Variants in LRRC8C observed in about 807,000 individuals in gnomAD.
The protein encoded by LRRC8C is leucine rich repeat containing 8 VRAC subunit C.
In LRRC8C, 20 loss-of-function variants were observed where a neutral mutation model predicts 55.3. That is an observed-to-expected ratio of 0.36 (90% CI 0.25 to 0.53). The LOEUF is 0.53. Among genes scored for constraint, LRRC8C ranks in the 20% least tolerant of loss-of-function variants. The pLI is 0.92. For missense variants in LRRC8C, 659 were observed against 951.4 expected, an observed-to-expected ratio of 0.69 and a Z score of 4.04; for synonymous variants, 376 against 360.7, an observed-to-expected ratio of 1.04 and a Z score of -0.48.
intron 1 of LRRC8C, among the ~76,000 whole-genome samples, chr1:89,683,892 CATATT>C (rs1220896038): frequency 6.6e-6 from 1 of 152,062 alleles, no homozygotes; most frequent in Non-Finnish European, 1.5e-5. Context: ...GGCAAAACAA[CATATT>C]ATATCATAAT....
intron 1 of LRRC8C, among the ~76,000 whole-genome samples, chr1:89,664,695 T>C (rs1209809962): frequency 6.6e-6 from 1 of 152,214 alleles, no homozygotes; most frequent in Non-Finnish European, 1.5e-5. Flanking sequence ...AATGGTAGCT[T>C]GACAGTGATA....
rs1009578859 is a variant in LRRC8C at position 89,674,212 on chromosome 1, C to T, written c.-4-12258C>T. On this transcript the variant is annotated intron_variant, in intron 1 of 2. Transcript: ENST00000370454. ...TTTTAATTAAATGATTCATATTTTC[C>T]GAGAATATTTTTCGTATAGATGTTC... Among the ~76,000 whole-genome samples the T allele has an allele frequency of 4.0e-5, 6 of 151,892 alleles. No homozygotes were observed. In the South Asian group the frequency reaches 8.4e-4, roughly 21 times the overall value.
intron 1 of LRRC8C, among the ~76,000 whole-genome samples, chr1:89,677,956 A>T (rs1306434693): frequency 6.6e-6 from 1 of 152,236 alleles, no homozygotes; most frequent in Non-Finnish European, 1.5e-5. Context: ...TTTCACTGCC[A>T]AAAGAAAAGC....
chr1:89,697,110 G>A (rs1658193945), intron 2 of LRRC8C, among the ~76,000 whole-genome samples: 1 of 152,146 alleles, frequency 6.6e-6, no homozygotes, highest in South Asian at 2.1e-4. Flanking sequence ...AACAAATTAT[G>A]GATATTATCT....
At chr1:89,619,948 G>T in the LRRC8C span, among the ~76,000 whole-genome samples, 1 of 152,184 alleles carries the variant, frequency 6.6e-6, no homozygotes, top group Middle Eastern at 3.2e-3. Flanking sequence ...GGTATGGAAG[G>T]TAAGAGTGAT....
At chr1:89,705,821 G>A (rs892480230) in intron 2 of LRRC8C, among the ~76,000 whole-genome samples, 1 of 151,710 alleles carries the variant, frequency 6.6e-6, no homozygotes, top group African/African-American at 2.4e-5. Context: ...ACAGATTTAT[G>A]GTAGCAAAAA....
intron 1 of LRRC8C, among the ~76,000 whole-genome samples, chr1:89,679,736 C>T (rs552526230): frequency 6.6e-6 from 1 of 152,290 alleles, no homozygotes; most frequent in East Asian, 1.9e-4. Flanking sequence ...AGGCTACCTA[C>T]CATCATTTGA....
At chr1:89,639,969 A>C (rs949214789) in intron 1 of LRRC8C, among the ~76,000 whole-genome samples, 1 of 152,256 alleles carries the variant, frequency 6.6e-6, no homozygotes, top group South Asian at 2.1e-4. Flanking sequence ...AGGAGTAAGC[A>C]TATAAAACAT....
chr1:89,713,339 A>T lies in LRRC8C; in HGVS notation c.769A>T (p.Ile257Phe). The change falls in exon 3 of 3, where the codon ATT (isoleucine) becomes TTT (phenylalanine). Residue 257 changes from isoleucine to phenylalanine, a missense_variant. Physicochemically the swap from Ile to Phe is conservative, Grantham distance 21. Around this residue, in one of 5 missense-constraint regions of LRRC8C, gnomAD observed 200 missense variants for 360.5 expected, o/e 0.55. Coordinates refer to ENST00000370454, the MANE Select transcript of LRRC8C (RefSeq NM_032270.5). This position sits in a 1 kb window ranked among gnomAD's most constrained non-coding sequence, Gnocchi z 5.2. ...CAGGCTGCATGTGGAAGAAGGTGAT[A>T]TTCTATATGCCATGTATGTTCGCCA... ...KFRLHVEEGD[I>F]LYAMYVRQTV... The T allele has an allele frequency of 6.2e-7, 1 of 1,614,236 alleles. No homozygotes were observed. The highest frequency in any genetic ancestry group is 8.5e-7 in the Non-Finnish European group (1 of 1,180,052).
intron 2 of LRRC8C, among the ~76,000 whole-genome samples, chr1:89,704,242 T>A (rs936880155): frequency 2.6e-5 from 4 of 152,184 alleles, no homozygotes; most frequent in Admixed American, 1.3e-4. Context: ...CTGTTCTATG[T>A]CCTCATCTCT....
intron 1 of LRRC8C, among the ~76,000 whole-genome samples, chr1:89,669,137 G>A (rs1436370623): frequency 1.3e-5 from 2 of 152,156 alleles, no homozygotes; most frequent in African/African-American, 4.8e-5. Context: ...TCTGCAATAT[G>A]TGACAACATG....
At chr1:89,617,542 C>G in the LRRC8C span, among the ~76,000 whole-genome samples, 1 of 152,224 alleles carries the variant, frequency 6.6e-6, no homozygotes, top group African/African-American at 2.4e-5. Flanking sequence ...GCTATACAAT[C>G]ATGCTCCAGT....
At chr1:89,659,095 G>A (rs566348183) in intron 1 of LRRC8C, among the ~76,000 whole-genome samples, 45 of 142,008 alleles carry the variant, frequency 3.2e-4, no homozygotes, top group South Asian at 1.6e-3. Context: ...GTGTGTGTGT[G>A]TGTGTGTGTG....
chr1:89,662,864 G>A lies in LRRC8C; in HGVS notation c.-4-23606G>A, dbSNP rs574298572. Among the ~76,000 whole-genome samples, 8 of 152,172 alleles carry A rather than the reference G, an allele frequency of 5.3e-5. No homozygotes were observed. The South Asian group carries it at 1.7e-3, about 32-fold the overall frequency. On this transcript the variant is annotated intron_variant, in intron 1 of 2. Transcript: ENST00000370454. ...ATACTTTAAGTTCTGGGATACGTGT[G>A]CAGAACCTGCAGGTTTGTTACATAG...
At chr1:89,689,899 C>T (rs1364699156) in intron 2 of LRRC8C, among the ~76,000 whole-genome samples, 1 of 151,910 alleles carries the variant, frequency 6.6e-6, no homozygotes, top group Non-Finnish European at 1.5e-5. Flanking sequence ...CAAGATCGCA[C>T]CATTGCACTG....
At chr1:89,690,652 T>C (rs1011528256) in intron 2 of LRRC8C, among the ~76,000 whole-genome samples, 1 of 152,174 alleles carries the variant, frequency 6.6e-6, no homozygotes, top group African/African-American at 2.4e-5. Context: ...ATGAGCATCA[T>C]TTAGGAGATG....
Position 89,713,139 on chromosome 1 carries a change from A to C in LRRC8C, c.569A>C (p.Lys190Thr). 1 of 1,614,218 alleles carries C rather than the reference A, an allele frequency of 6.2e-7. No individual in the cohort carries two copies. Among genetic ancestry groups the C allele is most frequent in the African/African-American group, 1.3e-5 (1 of 75,058 alleles). Residue 190 changes from lysine to threonine, a missense_variant, in exon 3 of 3, where the codon AAG (lysine) becomes ACG (threonine). Lys to Thr is a moderately conservative substitution (Grantham distance 78). Transcript: ENST00000370454. This position sits in a 1 kb window ranked among gnomAD's most constrained non-coding sequence, Gnocchi z 5.2. ...GEDSEEKDNR[K>T]NNMNRSNTIQ... ...GACTCAGAAGAAAAGGACAACAGGA[A>C]GAACAACATGAACAGGTCCAACACC... is the stretch of plus-strand genomic sequence containing the variant.
At chr1:89,695,155 C>T (rs1442518921) in intron 2 of LRRC8C, among the ~76,000 whole-genome samples, 1 of 152,098 alleles carries the variant, frequency 6.6e-6, no homozygotes, top group East Asian at 1.9e-4. Flanking sequence ...CTCCTGACCT[C>T]AGGTGATCTG....
In LRRC8C at chr1:89,682,176, C is replaced by CA. The variant is rs201543850; in HGVS notation, c.-4-4286dup. 3.6e-3 allele frequency among the ~76,000 whole-genome samples: 539 copies of CA among 151,620 alleles called. 8 individuals carry two copies. Among genetic ancestry groups the CA allele is most frequent in the Admixed American group, 0.025 (384 of 15,246 alleles). Reference sequence around the variant, plus strand: ...TGGGCGACAGAGCGAGACTCTGTCTCAAAAAAAAGAATTTAAATGCAATAA... The same window carrying CA: ...TGGGCGACAGAGCGAGACTCTGTCTCAAAAAAAAAGAATTTAAATGCAATAA... On this transcript the variant is annotated intron_variant, in intron 1 of 2. Coordinates refer to ENST00000370454, the MANE Select transcript of LRRC8C (RefSeq NM_032270.5).
Sources: allele counts gnomAD v4.1 joint callset (sites outside exome capture counted in the v4.1 genomes callset), GRCh38; gene constraint gnomAD v4.1.1; regional missense constraint gnomAD v4.1.1; non-coding constraint Gnocchi (gnomAD v3.1); transcripts MANE v1.5; gene names NCBI Gene and HGNC (gene_info 2026-07-23, HGNC 2026-07-21).